Variants in SLC2A13 observed in about 807,000 individuals in gnomAD.
SLC2A13 encodes solute carrier family 2 member 13, also known as proton myo-inositol cotransporter.
Under a neutral mutation model 64.4 loss-of-function variants are expected in SLC2A13, and 32 were observed. The ratio of observed to expected loss-of-function variants is 0.50; its 90% CI spans 0.37 to 0.67. The LOEUF is 0.67. Among genes scored for constraint, SLC2A13 ranks in the 30% least tolerant of loss-of-function variants. SLC2A13 has a pLI of 0.00. For missense variants in SLC2A13, 743 were observed against 829.2 expected, an observed-to-expected ratio of 0.90 and a Z score of 1.28; for synonymous variants, 338 against 327.1, an observed-to-expected ratio of 1.03 and a Z score of -0.36.
chr12:39,803,625 C>G (rs975245037), intron 7 of SLC2A13, among the ~76,000 whole-genome samples: 1 of 151,876 alleles, frequency 6.6e-6, no homozygotes, highest in Non-Finnish European at 1.5e-5. Flanking sequence ...GATATGCTAA[C>G]CAGCAAACTG....
chr12:39,782,136 A>T (rs1178865750), intron 7 of SLC2A13, among the ~76,000 whole-genome samples: 5 of 152,160 alleles, frequency 3.3e-5, no homozygotes, highest in Admixed American at 2.0e-4. Context: ...GGGAAAGCAT[A>T]TTTTAACTTA....
chr12:40,046,293 T>A (rs978300640), intron 2 of SLC2A13, among the ~76,000 whole-genome samples: 1 of 152,180 alleles, frequency 6.6e-6, no homozygotes. Flanking sequence ...TTCAGGCTTG[T>A]CCCAACACCT....
chr12:40,092,063 C>T (rs1350738107), intron 1 of SLC2A13, among the ~76,000 whole-genome samples: 1 of 152,088 alleles, frequency 6.6e-6, no homozygotes, highest in African/African-American at 2.4e-5. Flanking sequence ...GTATTAATGA[C>T]ATATGAGTAT....
At chr12:39,814,831 A>G (rs1386452923) in intron 7 of SLC2A13, among the ~76,000 whole-genome samples, 2 of 152,214 alleles carry the variant, frequency 1.3e-5, no homozygotes, top group East Asian at 3.8e-4. Context: ...CACAATATGC[A>G]TTATCACAAT....
chr12:39,894,028 T>G (rs1944678477), intron 4 of SLC2A13, among the ~76,000 whole-genome samples: 1 of 152,338 alleles, frequency 6.6e-6, no homozygotes. Context: ...TTTAAATGTG[T>G]AGTACATTTG....
intron 6 of SLC2A13, among the ~76,000 whole-genome samples, chr12:39,846,851 C>T (rs970207158): frequency 1.3e-5 from 2 of 152,094 alleles, no homozygotes; most frequent in African/African-American, 4.8e-5. Flanking sequence ...CCATGCAAAG[C>T]TCTTAGTAAA....
rs1944683025 is a variant in SLC2A13 at position 39,894,211 on chromosome 12, T to G, written c.1035-22250A>C. Among the ~76,000 whole-genome samples, 3 of 152,140 alleles carry G rather than the reference T, an allele frequency of 2.0e-5. No homozygotes were observed. The South Asian group carries it at 6.2e-4, about 32-fold the overall frequency. ...GGACTCTGCAAACTTTCAAGTGTCTTCAAGTTGTCCTTAGTAAGTAACATG... is the reference window on the plus strand; with the variant it reads ...GGACTCTGCAAACTTTCAAGTGTCTGCAAGTTGTCCTTAGTAAGTAACATG... On this transcript the variant is annotated intron_variant, in intron 4 of 9. Coordinates refer to ENST00000280871, the MANE Select transcript of SLC2A13 (RefSeq NM_052885.4).
intron 3 of SLC2A13, among the ~76,000 whole-genome samples, chr12:39,979,286 G>C (rs778301931): frequency 0.035 from 5,000 of 143,718 alleles, 169 homozygotes; most frequent in Admixed American, 0.11. Flanking sequence ...CCAAAGGAAC[G>C]CAGTTCCTCA....
chr12:39,882,331 T>C (rs1944360116), intron 4 of SLC2A13, among the ~76,000 whole-genome samples: 1 of 152,204 alleles, frequency 6.6e-6, no homozygotes, highest in Admixed American at 6.5e-5. Flanking sequence ...CAGGTGATGC[T>C]GATCCTGCTT....
chr12:39,892,805 T>C (rs1944645766), intron 4 of SLC2A13, among the ~76,000 whole-genome samples: 1 of 152,280 alleles, frequency 6.6e-6, no homozygotes, highest in East Asian at 1.9e-4. Flanking sequence ...AATGAGGATA[T>C]TGACAGAAGA....
At chr12:39,934,998 A>G (rs1945894030) in intron 4 of SLC2A13, among the ~76,000 whole-genome samples, 1 of 152,224 alleles carries the variant, frequency 6.6e-6, no homozygotes, top group Non-Finnish European at 1.5e-5. Flanking sequence ...AACAGAACTG[A>G]CTAACTTAGA....
chr12:39,952,620 T>A (rs1419231200), intron 3 of SLC2A13, among the ~76,000 whole-genome samples: 7 of 152,130 alleles, frequency 4.6e-5, no homozygotes, highest in Admixed American at 2.6e-4. Context: ...TTATTGCAAA[T>A]GATTTTGTTT....
chr12:39,764,541 A>G lies in SLC2A13; in HGVS notation c.1639T>C (p.Cys547Arg). ...PLWARSTGNA[C>R]SSGINWIFNV... is the part of the protein sequence containing the mutation. The stretch of plus-strand genomic sequence containing the variant: ...AAAATCCAGTTTATTCCAGATGAAC[A>G]TGCATTTCCTGTACTTCTTGCCCAA... The change falls in exon 9 of 10, where the codon TGT becomes CGT. Residue 547 changes from cysteine (C) to arginine (R), a missense_variant. Transcript: ENST00000280871. The G allele has an allele frequency of 6.2e-7, 1 of 1,612,270 alleles. No individual in the cohort carries two copies. The highest frequency in any genetic ancestry group is 8.5e-7 in the Non-Finnish European group (1 of 1,179,250).
intron 4 of SLC2A13, chr12:39,908,033 C>G (rs1281550879): frequency 6.6e-6 from 1 of 152,038 alleles, no homozygotes; most frequent in Non-Finnish European, 1.5e-5. Flanking sequence ...AATTCCCTGG[C>G]CAGAAGAACC....
intron 3 of SLC2A13, among the ~76,000 whole-genome samples, chr12:40,017,040 C>A (rs1323332021): frequency 1.3e-5 from 2 of 152,156 alleles, no homozygotes. Context: ...ACCAACCACA[C>A]CTCCCCAGGG....
intron 4 of SLC2A13, among the ~76,000 whole-genome samples, chr12:39,889,926 T>C (rs547986407): frequency 4.6e-5 from 7 of 152,178 alleles, no homozygotes; most frequent in Non-Finnish European, 1.0e-4. Context: ...ATAAATATAA[T>C]TCTTTGTATC....
In SLC2A13 at chr12:39,872,032, A is replaced by G. The variant is rs913325977; in HGVS notation, c.1035-71T>C. ...GAAACAGGGTTATTTTGATAGAAAA[A>G]GATGTATTCAATTTGAAAAAAATAT... On this transcript the variant is annotated intron_variant, in intron 4 of 9. Transcript: ENST00000280871. 5 of 1,328,154 alleles carry G rather than the reference A, an allele frequency of 3.8e-6. No homozygotes were observed. In the African/African-American group the frequency reaches 7.6e-5, roughly 20 times the overall value. The allele number at this position is 1,328,154 out of a possible 1,614,324, so 82.3% of individuals were successfully genotyped here. A position where few individuals can be genotyped will look rare whatever the true frequency, so the allele number is the denominator to read the frequency against.
intron 2 of SLC2A13, among the ~76,000 whole-genome samples, chr12:40,035,627 G>A (rs771328174): frequency 1.3e-5 from 2 of 152,116 alleles, no homozygotes; most frequent in East Asian, 1.9e-4. Context: ...TTAAAAGCAG[G>A]TAATATATGA....
chr12:40,039,458 T>C (rs2136228257), intron 2 of SLC2A13, among the ~76,000 whole-genome samples: 1 of 152,348 alleles, frequency 6.6e-6, no homozygotes, highest in African/African-American at 2.4e-5. Context: ...TGCCATCTCT[T>C]ATTCATTCCT....
Sources: gnomAD v4.1 joint callset for allele counts (sites outside exome capture counted in the v4.1 genomes callset) on GRCh38, gnomAD v4.1.1 for gene constraint, MANE v1.5 for transcripts, NCBI Gene and HGNC (gene_info 2026-07-23, HGNC 2026-07-21) for gene names.